The following IPO11 variants were observed in gnomAD, a reference collection of about 807,000 sequenced individuals.
The protein encoded by IPO11 is importin 11.
In IPO11, 66 loss-of-function variants were observed where a neutral mutation model predicts 143.2. The observed-to-expected ratio is 0.46, with a 90% CI of 0.38 to 0.57. The LOEUF (loss-of-function observed/expected upper bound fraction) is 0.57, where lower values mean the gene tolerates loss of function less well. Among genes scored for constraint, IPO11 ranks in the 20% least tolerant of loss-of-function variants. IPO11 has a pLI of 0.00. For synonymous variants in IPO11, 385 were observed against 377.8 expected (o/e 1.02, Z -0.22); for missense variants, 1,026 against 1,141.0 (o/e 0.90, Z 1.45).
intron 20 of IPO11, among the ~76,000 whole-genome samples, chr5:62,515,817 A>G (rs1265652366): frequency 1.3e-5 from 2 of 152,200 alleles, no homozygotes; most frequent in Non-Finnish European, 2.9e-5. Flanking sequence ...CTGCTTAAAC[A>G]TACTTAATGT....
At chr5:62,426,954 T>TTTG (rs1743770948) in intron 1 of IPO11, among the ~76,000 whole-genome samples, 2 of 130,466 alleles carry the variant, frequency 1.5e-5, no homozygotes, top group Non-Finnish European at 1.6e-5. Context: ...TTTTTTTTTT[T>TTTG]GATACGGAGT....
In IPO11 at chr5:62,580,584, C is replaced by T. The variant is rs189683952; in HGVS notation, c.2583-10993C>T. ...TAGCATCTTCAGCCATTACTCTAAACATCTATTGTCAGAATCCCCCATCCA... is the reference window on the plus strand; with the variant it reads ...TAGCATCTTCAGCCATTACTCTAAATATCTATTGTCAGAATCCCCCATCCA... On this transcript the variant is annotated intron_variant, in intron 27 of 29. Coordinates refer to ENST00000325324, the MANE Select transcript of IPO11 (RefSeq NM_016338.5). The T allele has an allele frequency of 1.4e-4, 210 of 1,551,434 alleles. 2 individuals are homozygous for T. The Admixed American group carries it at 4.0e-3, about 30-fold the overall frequency.
At chr5:62,436,535 A>C (rs1300272976) in intron 1 of IPO11, among the ~76,000 whole-genome samples, 1 of 152,208 alleles carries the variant, frequency 6.6e-6, no homozygotes, top group Non-Finnish European at 1.5e-5. Flanking sequence ...AATTGTATAT[A>C]CAATTTTGGG....
chr5:62,518,625 A>T (rs1742104615), intron 20 of IPO11, among the ~76,000 whole-genome samples: 2 of 152,096 alleles, frequency 1.3e-5, no homozygotes, highest in South Asian at 4.2e-4. Context: ...AAAATAATAA[A>T]AAAAATTTAC....
At chr5:62,493,447 GAGTC>G (rs528049471) in intron 15 of IPO11, among the ~76,000 whole-genome samples, 2 of 152,114 alleles carry the variant, frequency 1.3e-5, no homozygotes, top group South Asian at 2.1e-4. Context: ...TAAGATAAAA[GAGTC>G]AGGATTACAA....
At chr5:62,501,044 T>C (rs913538315) in intron 16 of IPO11, among the ~76,000 whole-genome samples, 2 of 152,210 alleles carry the variant, frequency 1.3e-5, no homozygotes, top group Admixed American at 6.5e-5. Flanking sequence ...AGGTGGAGTT[T>C]AATGAAGTAC....
rs1742744252 is a variant in IPO11, at chr5:62,536,656, C to A, written c.2090-46C>A. Reference sequence around the variant, plus strand: ...TCACTTCATTTAAACTAATTTTGAGCAGTGAATTAATTTGGTTTTTTGTTT... The same window carrying A: ...TCACTTCATTTAAACTAATTTTGAGAAGTGAATTAATTTGGTTTTTTGTTT... On this transcript the variant is annotated intron_variant, in intron 22 of 29. Coordinates refer to ENST00000325324, the MANE Select transcript of IPO11 (RefSeq NM_016338.5). 3 of 1,554,932 alleles carry A rather than the reference C, an allele frequency of 1.9e-6. No homozygotes were observed. In the South Asian group the frequency reaches 3.7e-5, roughly 19 times the overall value.
At chr5:62,543,339 A>G (rs999557717) in intron 24 of IPO11, among the ~76,000 whole-genome samples, 4 of 152,216 alleles carry the variant, frequency 2.6e-5, no homozygotes, top group Admixed American at 2.0e-4. Flanking sequence ...TTGGTAGGCT[A>G]TTAATTGTTG....
At chr5:62,425,196 A>C (rs1162646081) in intron 1 of IPO11, among the ~76,000 whole-genome samples, 4 of 152,232 alleles carry the variant, frequency 2.6e-5, no homozygotes, top group African/African-American at 9.6e-5. Context: ...TGTCTTGCTC[A>C]GATGGTCATT....
intron 20 of IPO11, among the ~76,000 whole-genome samples, chr5:62,524,797 A>G (rs1742315708): frequency 6.6e-6 from 1 of 152,242 alleles, no homozygotes; most frequent in South Asian, 2.1e-4. Flanking sequence ...GTGTCATCAA[A>G]AGGGGAATAC....
At chr5:62,537,475 C>G (rs977299285) in intron 24 of IPO11, among the ~76,000 whole-genome samples, 186 bp downstream of exon 24, 5 of 152,102 alleles carry the variant, frequency 3.3e-5, no homozygotes, top group Non-Finnish European at 7.4e-5. Context: ...GGTGCATACA[C>G]CTTCAACAGG....
At chr5:62,606,619 G>A (rs918690604) in intron 29 of IPO11, among the ~76,000 whole-genome samples, 2 of 151,486 alleles carry the variant, frequency 1.3e-5, no homozygotes, top group East Asian at 2.0e-4. Context: ...GGCAGATCAC[G>A]AAGTCAGGAG....
intron 24 of IPO11, 51 bp from the exon 25 acceptor site, chr5:62,550,316 A>G (rs753652273): frequency 8.8e-6 from 12 of 1,367,828 alleles, no homozygotes; most frequent in Non-Finnish European, 1.2e-5. Flanking sequence ...TGTGTTTTTC[A>G]TAAAGCAATG....
At chr5:62,445,972 T>G (rs933415698) in intron 3 of IPO11, among the ~76,000 whole-genome samples, 3 of 152,176 alleles carry the variant, frequency 2.0e-5, no homozygotes, top group African/African-American at 7.2e-5. Context: ...ATTACAAGTT[T>G]AAAGCAAAAT....
intron 4 of IPO11, among the ~76,000 whole-genome samples, chr5:62,450,662 T>TA (rs1162636450): frequency 2.5e-4 from 24 of 95,056 alleles, no homozygotes; most frequent in African/African-American, 9.6e-4. Flanking sequence ...TCCCCACCAT[T>TA]TAAAAAAAAA....
intron 20 of IPO11, among the ~76,000 whole-genome samples, chr5:62,515,931 T>G (rs1741996829): frequency 6.6e-6 from 1 of 152,228 alleles, no homozygotes; most frequent in Non-Finnish European, 1.5e-5. Context: ...GTGAATTGGA[T>G]CTCAGACATT....
chr5:62,496,279 G>C (rs1437818313), intron 16 of IPO11, among the ~76,000 whole-genome samples: 1 of 148,460 alleles, frequency 6.7e-6, no homozygotes, highest in Non-Finnish European at 1.5e-5. Context: ...CAGAGAGACT[G>C]TGTCTCAAAA....
intron 1 of IPO11, among the ~76,000 whole-genome samples, chr5:62,416,420 G>A (rs996799778): frequency 2.0e-4 from 30 of 152,046 alleles, no homozygotes; most frequent in African/African-American, 7.0e-4. Context: ...GACCTCAGGT[G>A]ATCTGCCCGC....
intron 27 of IPO11, among the ~76,000 whole-genome samples, chr5:62,575,020 A>G (rs753769097): frequency 9.8e-5 from 15 of 152,350 alleles, no homozygotes; most frequent in African/African-American, 2.6e-4. Flanking sequence ...CTTGTTGACA[A>G]TTGAGCAAAT....
Sources: gnomAD v4.1 joint callset for allele counts (sites outside exome capture counted in the v4.1 genomes callset) on GRCh38, gnomAD v4.1.1 for gene constraint, MANE v1.5 for transcripts, NCBI Gene and HGNC (gene_info 2026-07-23, HGNC 2026-07-21) for gene names.